MTFR2: variants seen among roughly 807,000 people sequenced by gnomAD.
MTFR2 encodes the protein mitochondrial fission regulator 2.
A neutral mutation model predicts 41.2 loss-of-function variants in MTFR2; 44 were observed. The observed-to-expected ratio is 1.07, with a 90% CI of 0.84 to 1.37. MTFR2 has a LOEUF of 1.37. Ranked by LOEUF, MTFR2 falls within the 40% of genes most tolerant of loss-of-function variation. The pLI is 0.00. For synonymous variants in MTFR2, 141 were observed against 154.6 expected (o/e 0.91, Z 0.65); for missense variants, 452 against 459.5 (o/e 0.98, Z 0.15).
intron 6 of MTFR2, among the ~76,000 whole-genome samples, chr6:136,239,081 C>A (rs1354272994): frequency 6.6e-6 from 1 of 152,120 alleles, no homozygotes; most frequent in Non-Finnish European, 1.5e-5. Context: ...TGGATGTTCA[C>A]TGTTATAATA....
At chr6:136,238,678 C>CCACACACACACA (rs60002962) in intron 6 of MTFR2, among the ~76,000 whole-genome samples, 25 of 146,448 alleles carry the variant, frequency 1.7e-4, no homozygotes, top group African/African-American at 6.3e-4. Context: ...TGTTTTTTCA[C>CCACACACACACA]CACACACACA....
At chr6:136,249,856 T>A (rs1780317997) in intron 1 of MTFR2, 120 bp downstream of exon 1, 1 of 152,178 alleles carries the variant, frequency 6.6e-6, no homozygotes, top group Non-Finnish European at 1.5e-5. Flanking sequence ...GAATTCCAGA[T>A]ACGGGACGTG....
At chr6:136,240,829 C>G (rs186672367) in intron 5 of MTFR2, among the ~76,000 whole-genome samples, 12 of 152,338 alleles carry the variant, frequency 7.9e-5, no homozygotes, top group Admixed American at 2.0e-4. Flanking sequence ...CGGTGGCTCA[C>G]GCCTGTAATC....
rs73558529 is a variant in MTFR2 at position 136,238,603 on chromosome 6, C to T, written c.869+863G>A. ...GAAAAAGCTCTAGAGATCTGTTGTA[C>T]AACATTGTGCTTAACGATACTGTAT... On this transcript the variant is annotated intron_variant, in intron 6 of 7. Transcript: ENST00000420702. 4.8e-3 allele frequency among the ~76,000 whole-genome samples: 722 copies of T among 151,872 alleles called. 5 individuals carry two copies. Among genetic ancestry groups the T allele is most frequent in the African/African-American group, 0.017 (699 of 41,376 alleles).
At chr6:136,231,669 TAAAAAAAA>T (rs71006791) in intron 7 of MTFR2, among the ~76,000 whole-genome samples, 6 of 82,936 alleles carry the variant, frequency 7.2e-5, no homozygotes, top group African/African-American at 1.4e-4. Flanking sequence ...AAAAACTATG[TAAAAAAAA>T]AAAAAAAAAA....
chr6:136,239,719 G>A lies in MTFR2; in HGVS notation c.616C>T (p.Leu206Phe), dbSNP rs984961729. 6 of 1,613,928 alleles carry A rather than the reference G, an allele frequency of 3.7e-6. No homozygotes were observed. The highest frequency in any genetic ancestry group is 3.3e-5 in the Admixed American group (2 of 59,968). Reference protein sequence around the residue: ...VDPDQLPGSVLSPPPPPPLPP... With the variant: ...VDPDQLPGSVFSPPPPPPLPP... ...AGTGGTGGAGGAGGAGGAGGAGAAA[G>A]CACTGAACCTGGAAGCTGATCTGGG... The change falls in exon 6 of 8, where the codon CTT (leucine) becomes TTT (phenylalanine). Residue 206 changes from leucine (L) to phenylalanine (F), a missense_variant. Coordinates refer to ENST00000420702, the MANE Select transcript of MTFR2 (RefSeq NM_001099286.3).
Position 136,231,337 on chromosome 6 carries a change from C to A in MTFR2, c.1096G>T (p.Val366Phe). ...CCTTGGTCAACAGCTTTTGTGTTGA[C>A]CATTTCTTCTTTAGTTCGCTGTCCT... ...SEGQRTKEEM[V>F]NTKAVDQGIS... Residue 366 changes from valine (V) to phenylalanine (F), a missense_variant, in exon 8 of 8, where the codon GTC becomes TTC. By Grantham distance (50) the Val-to-Phe change is conservative (BLOSUM62 -1). Coordinates refer to ENST00000420702, the MANE Select transcript of MTFR2 (RefSeq NM_001099286.3). 1.2e-6 allele frequency: 2 copies of A among 1,612,684 alleles called. No homozygotes were observed. Among genetic ancestry groups the A allele is most frequent in the Middle Eastern group, 1.7e-4 (1 of 5,830 alleles).
At chr6:136,233,070 T>C in intron 7 of MTFR2, 1 of 284,724 alleles carries the variant, frequency 3.5e-6, no homozygotes, top group Non-Finnish European at 6.7e-6. Context: ...GCACCTAAGA[T>C]AAGTCATTAT....
At chr6:136,246,344 A>C (rs1198506668) in intron 2 of MTFR2, among the ~76,000 whole-genome samples, 1 of 151,424 alleles carries the variant, frequency 6.6e-6, no homozygotes, top group Non-Finnish European at 1.5e-5. Context: ...AGTGCAGGGC[A>C]TGATCAGGGT....
chr6:136,234,062 T>C (rs1048872062), intron 6 of MTFR2, among the ~76,000 whole-genome samples: 30 of 151,682 alleles, frequency 2.0e-4, no homozygotes, highest in African/African-American at 7.1e-4. Context: ...CTGGGCACGG[T>C]AGCTCATGCC....
chr6:136,242,988 G>GA lies in MTFR2; in HGVS notation c.169-16dup, dbSNP rs750815255. The GA allele has an allele frequency of 2.6e-6, 4 of 1,563,738 alleles. No homozygotes were observed. The highest frequency in any genetic ancestry group is 1.4e-5 in the African/African-American group (1 of 71,996). On this transcript the variant is annotated splice_polypyrimidine_tract_variant and intron_variant, in intron 3 of 7. Transcript: ENST00000420702. ...AGCGGGATCAACTAAAGTAAAAAAA[G>GA]AAAAAAATAGTCAGAGCTCTGCAGG...
At chr6:136,247,597 C>T in intron 2 of MTFR2, 1 of 450,584 alleles carries the variant, frequency 2.2e-6, no homozygotes, top group Non-Finnish European at 4.4e-6. Flanking sequence ...CCTGCGGCCC[C>T]TTCAGGCTGA....
At position 136,239,651 on chromosome 6, in the gene MTFR2, G is replaced by A. The variant is rs533416130; in HGVS notation, c.684C>T (p.Pro228=). The A allele has an allele frequency of 1.5e-5, 24 of 1,613,930 alleles. No individual in the cohort carries two copies. In the Admixed American group the frequency reaches 1.5e-4, roughly 10 times the overall value. The change falls in exon 6 of 8, where the codon CCC becomes CCT. Residue 228 remains proline (P), a synonymous_variant. Coordinates refer to ENST00000420702, the MANE Select transcript of MTFR2 (RefSeq NM_001099286.3). ...FSSLQPPCFP[P]VQPGSNNICD... ...AAATATTATTAGATCCTGGTTGTAC[G>A]GGAGGAAAACACGGTGGCTGGAGAG...
At chr6:136,240,577 T>C (rs1469588234) in intron 5 of MTFR2, among the ~76,000 whole-genome samples, 2 of 152,328 alleles carry the variant, frequency 1.3e-5, no homozygotes, top group East Asian at 3.9e-4. Context: ...TATACACGCA[T>C]ACATACATGT....
Position 136,242,898 on chromosome 6 carries a change from C to T in MTFR2, c.244G>A (p.Val82Met), listed in dbSNP as rs757769713. 8 of 1,613,078 alleles carry T rather than the reference C, an allele frequency of 5.0e-6. No individual in the cohort carries two copies. The African/African-American group carries it at 8.0e-5, about 16-fold the overall frequency. ...MVPSFADILY[V>M]ANDEEASYLR... is the part of the protein sequence containing the mutation. ...TAACTGGCTTCTTCATCATTTGCCA[C>T]ATACAAAATATCAGCAAAAGATGGA... Residue 82 changes from valine to methionine, a missense_variant, in exon 4 of 8, where the codon GTG (valine) becomes ATG (methionine). By Grantham distance (21) the Val-to-Met change is conservative. Coordinates refer to ENST00000420702, the MANE Select transcript of MTFR2 (RefSeq NM_001099286.3).
At chr6:136,242,748 CA>C (rs1475737894) in intron 4 of MTFR2, 112 bp downstream of exon 4, 1 of 723,394 alleles carries the variant, frequency 1.4e-6, no homozygotes, top group Non-Finnish European at 2.2e-6. Context: ...CAGTAGGGCA[CA>C]GCACAGTTTG....
rs375900625 is a variant in MTFR2 at position 136,241,046 on chromosome 6, G to A, written c.514+398C>T. ...GTGGAGCTTGCAGTGAGCCAAGATC[G>A]TGCCACTGCACTCCAGCCTGGGCGA... On this transcript the variant is annotated intron_variant, in intron 5 of 7. Coordinates refer to ENST00000420702, the MANE Select transcript of MTFR2 (RefSeq NM_001099286.3). 1.0e-3 allele frequency among the ~76,000 whole-genome samples: 155 copies of A among 150,296 alleles called. 1 individual carries two copies. Among genetic ancestry groups the A allele is most frequent in the African/African-American group, 3.1e-3 (125 of 40,532 alleles).
chr6:136,231,417 A>G, intron 7 of MTFR2, 29 bp from the exon 8 acceptor site: 1 of 1,386,364 alleles, frequency 7.2e-7, no homozygotes, highest in Non-Finnish European at 1.0e-6. Flanking sequence ...TTAACACAGA[A>G]ATTATTCTAA....
intron 6 of MTFR2, among the ~76,000 whole-genome samples, chr6:136,239,260 A>C (rs1779984379): frequency 6.6e-6 from 1 of 152,184 alleles, no homozygotes; most frequent in Non-Finnish European, 1.5e-5. Context: ...ATAGCAAATA[A>C]GTATGTTGTT....
Sources: gnomAD v4.1 joint callset for allele counts (sites outside exome capture counted in the v4.1 genomes callset) on GRCh38, gnomAD v4.1.1 for gene constraint, MANE v1.5 for transcripts, NCBI Gene and HGNC (gene_info 2026-07-23, HGNC 2026-07-21) for gene names.